The following PCDHGB5 variants were observed in gnomAD, a reference collection of about 807,000 sequenced individuals.
The protein encoded by PCDHGB5 is protocadherin gamma subfamily B, 5.
PCDHGB5 carries 48 observed loss-of-function variants against 62.9 expected under a neutral mutation model. The observed-to-expected ratio is 0.76, with a 90% CI of 0.61 to 0.97. The LOEUF (loss-of-function observed/expected upper bound fraction) is 0.97. Among genes scored for constraint, PCDHGB5 ranks in the 50% least tolerant of loss-of-function variants. The probability of loss-of-function intolerance (pLI) is 0.00; values close to 1 mark genes in which losing one functional copy is unlikely to be tolerated. For synonymous variants in PCDHGB5, 474 were observed against 511.2 expected, an observed-to-expected ratio of 0.93 and a Z score of 0.98; for missense variants, 1,118 against 1,198.6, an observed-to-expected ratio of 0.93 and a Z score of 0.99.
rs2099697431 is a variant in PCDHGB5 at position 141,490,222 on chromosome 5, C to T, written c.2398-4585C>T. The T allele has an allele frequency of 6.2e-7, 1 of 1,614,094 alleles. No homozygotes were observed. Among genetic ancestry groups the T allele is most frequent in the African/African-American group, 1.3e-5 (1 of 74,934 alleles). On this transcript the variant is annotated intron_variant, in intron 1 of 3. Coordinates refer to ENST00000617380, the MANE Select transcript of PCDHGB5 (RefSeq NM_018925.3). This position sits in a 1 kb window ranked among gnomAD's most constrained non-coding sequence, Gnocchi z 5.4. The stretch of plus-strand genomic sequence containing the variant: ...TGCAAGAGCCCGTGACCAGGGACAG[C>T]CTGCCATGGAGGGCCACTGTGTGAT...
rs765454115 is a variant in PCDHGB5, at chr5:141,410,470, T to C, written c.2397+9946T>C. On this transcript the variant is annotated intron_variant, in intron 1 of 3. Coordinates refer to ENST00000617380, the MANE Select transcript of PCDHGB5 (RefSeq NM_018925.3). Reference sequence around the variant, plus strand: ...TGCCTTATTCTTATAATCTGTGCATTGCACATACGGGTACAAAAGAGTTTA... The same window carrying C: ...TGCCTTATTCTTATAATCTGTGCATCGCACATACGGGTACAAAAGAGTTTA... 1.9e-6 allele frequency: 3 copies of C among 1,613,922 alleles called. No individual in the cohort carries two copies. The African/African-American group carries it at 4.0e-5, about 22-fold the overall frequency.
At chr5:141,479,241 G>T (rs2099490987) in intron 1 of PCDHGB5, 1 of 152,174 alleles carries the variant, frequency 6.6e-6, no homozygotes, top group Admixed American at 6.5e-5. Context: ...CAAACCCAAA[G>T]ATAACCATTT....
intron 1 of PCDHGB5, among the ~76,000 whole-genome samples, chr5:141,455,177 T>C (rs2098816411): frequency 6.6e-6 from 1 of 152,040 alleles, no homozygotes; most frequent in Non-Finnish European, 1.5e-5. Context: ...TTTTAGTTTT[T>C]TTATTTCTCT....
In PCDHGB5 at chr5:141,432,908, C is replaced by T. The variant is rs757934634; in HGVS notation, c.2397+32384C>T. On this transcript the variant is annotated intron_variant, in intron 1 of 3. Transcript: ENST00000617380. This position sits in a 1 kb window ranked among gnomAD's most constrained non-coding sequence, Gnocchi z 6.0. Reference sequence around the variant, plus strand: ...CATCTTGCTGCTGGCGCTCAGGCTGCGGCGCTGGCACAAGTCACGCCTGCT... The same window carrying T: ...CATCTTGCTGCTGGCGCTCAGGCTGTGGCGCTGGCACAAGTCACGCCTGCT... 3.7e-5 allele frequency: 60 copies of T among 1,614,050 alleles called. No individual in the cohort carries two copies. Among genetic ancestry groups the T allele is most frequent in the Middle Eastern group, 3.3e-4 (2 of 6,082 alleles).
chr5:141,413,739 C>A (rs748041372), intron 1 of PCDHGB5: 1 of 1,613,424 alleles, frequency 6.2e-7, no homozygotes, highest in South Asian at 1.1e-5. Context: ...GAGTTCAGAG[C>A]CGTGCCAATG....
chr5:141,422,140 C>A, intron 1 of PCDHGB5: 1 of 1,586,776 alleles, frequency 6.3e-7, no homozygotes, highest in Non-Finnish European at 8.5e-7. Flanking sequence ...AGTTCAAGTA[C>A]GGGGGTCTCT....
In PCDHGB5 at chr5:141,471,046, CTTT is replaced by C. The variant is rs1170588345; in HGVS notation, c.2398-23743_2398-23741del. ...ATTTTTATTAACAAGCCCAAGCCCT[CTTT>C]TTTTTTTTTTTTTTTTTGAGACAGG... On this transcript the variant is annotated intron_variant, in intron 1 of 3. Coordinates refer to ENST00000617380, the MANE Select transcript of PCDHGB5 (RefSeq NM_018925.3). 4.8e-4 allele frequency among the ~76,000 whole-genome samples: 54 copies of C among 113,240 alleles called. 1 individual carries two copies. Among genetic ancestry groups the C allele is most frequent in the Middle Eastern group, 5.2e-3 (1 of 192 alleles). 74.3% of individuals were successfully genotyped at this position (113,240 alleles called of 152,430 possible).
Position 141,419,433 on chromosome 5 carries a change from T to C in PCDHGB5, c.2397+18909T>C, listed in dbSNP as rs1333004780. 11 of 1,613,246 alleles carry C rather than the reference T, an allele frequency of 6.8e-6. No individual in the cohort carries two copies. The highest frequency in any genetic ancestry group is 9.3e-6 in the Non-Finnish European group (11 of 1,179,828). On this transcript the variant is annotated intron_variant, in intron 1 of 3. Coordinates refer to ENST00000617380, the MANE Select transcript of PCDHGB5 (RefSeq NM_018925.3). ...CAGCGCGCCTTCGACCACGAGCAGC[T>C]GCGCACCTTCGAGCTCACGCTGCAG... is the stretch of plus-strand genomic sequence containing the variant.
chr5:141,413,140 A>T (rs2095607783), intron 1 of PCDHGB5: 1 of 1,563,150 alleles, frequency 6.4e-7, no homozygotes, highest in Non-Finnish European at 8.7e-7. Flanking sequence ...CAACGTGTCC[A>T]GTGAGGACTT....
intron 1 of PCDHGB5, among the ~76,000 whole-genome samples, chr5:141,482,530 CAAAA>C (rs3074545): frequency 9.1e-5 from 7 of 76,540 alleles, no homozygotes; most frequent in South Asian, 4.6e-4. Flanking sequence ...GACAGACATG[CAAAA>C]AAAAAAAAAA....
intron 1 of PCDHGB5, among the ~76,000 whole-genome samples, chr5:141,483,722 C>G (rs1043315057): frequency 6.6e-6 from 1 of 152,080 alleles, no homozygotes; most frequent in Non-Finnish European, 1.5e-5. Context: ...TATTGGTTCC[C>G]ACCATAGTCA....
At position 141,489,635 on chromosome 5, in the gene PCDHGB5, G is replaced by C. The variant is rs1380466520; in HGVS notation, c.2398-5172G>C. 2 of 1,614,142 alleles carry C rather than the reference G, an allele frequency of 1.2e-6. No homozygotes were observed. The highest frequency in any genetic ancestry group is 3.3e-5 in the Admixed American group (2 of 60,016). ...CTGGATCTCAATGACAACTCTCCTAGCTTTGCCACCCCTGAGCGAGAGATG... is the reference window on the plus strand; with the variant it reads ...CTGGATCTCAATGACAACTCTCCTACCTTTGCCACCCCTGAGCGAGAGATG... On this transcript the variant is annotated intron_variant, in intron 1 of 3. Transcript: ENST00000617380. This position sits in a 1 kb window ranked among gnomAD's most constrained non-coding sequence, Gnocchi z 4.5.
At chr5:141,433,318 G>A (rs1659490277) in intron 1 of PCDHGB5, 2 of 788,746 alleles carry the variant, frequency 2.5e-6, no homozygotes, top group Non-Finnish European at 4.0e-6. Context: ...CTTTGCCTCC[G>A]GTGTAACAGG....
rs1485669709 is a variant in PCDHGB5 at position 141,432,989 on chromosome 5, G to A, written c.2397+32465G>A. On this transcript the variant is annotated intron_variant, in intron 1 of 3. Coordinates refer to ENST00000617380, the MANE Select transcript of PCDHGB5 (RefSeq NM_018925.3). The surrounding 1 kb of genome is among the most constrained non-coding windows in gnomAD (Gnocchi z 6.0). ...GCCGGCGTCGCACTTTGTGGGCGTG[G>A]ACGGGGTGCAGGCTTTCCTGCAGAC... The A allele has an allele frequency of 1.9e-6, 3 of 1,614,210 alleles. No individual in the cohort carries two copies. The highest frequency in any genetic ancestry group is 1.3e-5 in the African/African-American group (1 of 75,066).
rs781651287 is a variant in PCDHGB5, at chr5:141,505,380, A to G, written c.2457-13A>G. ...CCTGGGAGTCTGTGCTCACCATCCT[A>G]CTCTCTCCCCAGCTCCCAAAATGGC... On this transcript the variant is annotated splice_polypyrimidine_tract_variant and intron_variant, in intron 2 of 3. Transcript: ENST00000617380. The G allele has an allele frequency of 4.3e-6, 7 of 1,613,362 alleles. No homozygotes were observed. The African/African-American group carries it at 5.4e-5, about 12-fold the overall frequency.
intron 1 of PCDHGB5, among the ~76,000 whole-genome samples, chr5:141,438,454 T>C (rs2097961593): frequency 6.6e-6 from 1 of 151,734 alleles, no homozygotes; most frequent in Admixed American, 6.6e-5. Flanking sequence ...AATACAATGC[T>C]TGAGTTCAAT....
chr5:141,476,727 G>A lies in PCDHGB5; in HGVS notation c.2398-18080G>A, dbSNP rs762236731. On this transcript the variant is annotated intron_variant, in intron 1 of 3. Coordinates refer to ENST00000617380, the MANE Select transcript of PCDHGB5 (RefSeq NM_018925.3). This position sits in a 1 kb window ranked among gnomAD's most constrained non-coding sequence, Gnocchi z 7.6. ...CTGGTGTTGGAGCGCGCCCTGGACC[G>A]AGAACGGGAGCCTAGTCTCCAGTTA... 5 of 1,614,108 alleles carry A rather than the reference G, an allele frequency of 3.1e-6. No individual in the cohort carries two copies. Among genetic ancestry groups the A allele is most frequent in the Non-Finnish European group, 4.2e-6 (5 of 1,180,032 alleles).
At position 141,399,254 on chromosome 5, in the gene PCDHGB5, G is replaced by A. The variant is rs2093775351; in HGVS notation, c.1127G>A (p.Gly376Glu). 1 of 1,613,806 alleles carries A rather than the reference G, an allele frequency of 6.2e-7. No homozygotes were observed. Among genetic ancestry groups the A allele is most frequent in the East Asian group, 2.2e-5 (1 of 44,892 alleles). ...CATGACCAAGATTCTGGGGAAAATG[G>A]GGAGGTTAATTGTCAATTACAAGGC... ...KIHDQDSGEN[G>E]EVNCQLQGEV... is the part of the protein sequence containing the mutation. Residue 376 changes from glycine (G) to glutamate (E), a missense_variant, in exon 1 of 4, where the codon GGG becomes GAG. Physicochemically the swap from Gly to Glu is moderately conservative, Grantham distance 98 (BLOSUM62 -2). Transcript: ENST00000617380.
At chr5:141,481,592 C>T (rs765060653) in intron 1 of PCDHGB5, among the ~76,000 whole-genome samples, 2 of 152,112 alleles carry the variant, frequency 1.3e-5, no homozygotes, top group East Asian at 1.9e-4. Context: ...CTGAGGCCAG[C>T]GGATCACCTG....
Sources: gnomAD v4.1 joint callset for allele counts (sites outside exome capture counted in the v4.1 genomes callset) on GRCh38, gnomAD v4.1.1 for gene constraint, Gnocchi (gnomAD v3.1) non-coding constraint, MANE v1.5 for transcripts, NCBI Gene and HGNC (gene_info 2026-07-23, HGNC 2026-07-21) for gene names.